The following MBD5 variants were observed in gnomAD, a reference collection of about 807,000 sequenced individuals.
MBD5 encodes the protein methyl-CpG binding domain protein 5, also known as methyl-CpG-binding domain protein 5.
MBD5 carries 13 observed loss-of-function variants against 117.3 expected under a neutral mutation model. The observed-to-expected ratio is 0.11, with a 90% confidence interval of 0.07 to 0.18. The LOEUF (loss-of-function observed/expected upper bound fraction) is 0.18. Ranked by LOEUF, MBD5 falls within the 10% of genes least tolerant of loss-of-function variation. The pLI, the probability that MBD5 is intolerant of heterozygous loss-of-function variation, is 1.00. For missense variants in MBD5, 1,879 were observed against 2,093.8 expected (o/e 0.90, Z 2.00); for synonymous variants, 727 against 766.4 (o/e 0.95, Z 0.85).
At position 148,463,726 on chromosome 2, in the gene MBD5, G is replaced by A; in HGVS notation, c.217-13G>A. The A allele has an allele frequency of 6.2e-7, 1 of 1,613,372 alleles. No individual in the cohort carries two copies. The highest frequency in any genetic ancestry group is 8.5e-7 in the Non-Finnish European group (1 of 1,179,458). Reference sequence around the variant, plus strand: ...TACAGACATATTCTAAACAAAGGCTGTGCTTTTTCCAGGTATTTAATTTTG... The same window carrying A: ...TACAGACATATTCTAAACAAAGGCTATGCTTTTTCCAGGTATTTAATTTTG... On this transcript the variant is annotated splice_polypyrimidine_tract_variant and intron_variant, in intron 6 of 13. Coordinates refer to ENST00000642680, the MANE Select transcript of MBD5 (RefSeq NM_001378120.1).
intron 3 of MBD5, among the ~76,000 whole-genome samples, chr2:148,328,151 T>C (rs558175714): frequency 6.2e-4 from 95 of 152,338 alleles, no homozygotes; most frequent in African/African-American, 2.1e-3. Context: ...GTTAGGCTGC[T>C]CGGGGGTCAG....
chr2:148,234,887 A>G (rs1444300513), intron 3 of MBD5, among the ~76,000 whole-genome samples: 3 of 152,286 alleles, frequency 2.0e-5, no homozygotes, highest in Non-Finnish European at 4.4e-5. Flanking sequence ...CCACTTAACT[A>G]TTTTTAAAAA....
rs1553463990 is a variant in MBD5, at chr2:148,021,481, TTGCTGCTGCTGCTGCTAC to T, written c.-1114_-1097del. The T allele has an allele frequency of 6.5e-5, 37 of 573,526 alleles. No individual in the cohort carries two copies. The highest frequency in any genetic ancestry group is 5.3e-4 in the African/African-American group (28 of 52,744). The allele number at this position is 573,526 out of a possible 1,614,324, so 35.5% of individuals were successfully genotyped here. A position where few individuals can be genotyped will look rare whatever the true frequency, so the allele number is the denominator to read the frequency against. ...GCTGCTGTTGCTGCTGCTGCTGCTG[TTGCTGCTGCTGCTGCTAC>T]TGCTGCTGCTGCTACTGCTGCTGCT... On this transcript the variant is annotated 5_prime_UTR_variant, in exon 1 of 14. Coordinates refer to ENST00000642680, the MANE Select transcript of MBD5 (RefSeq NM_001378120.1).
At chr2:148,045,999 T>A in intron 1 of MBD5, among the ~76,000 whole-genome samples, 1 of 143,968 alleles carries the variant, frequency 6.9e-6, no homozygotes, top group Non-Finnish European at 1.5e-5. Flanking sequence ...TTTTTTTTTT[T>A]TTTGAGACAG....
At chr2:148,294,385 C>T (rs530164976) in intron 3 of MBD5, among the ~76,000 whole-genome samples, 51 of 150,804 alleles carry the variant, frequency 3.4e-4, no homozygotes, top group East Asian at 5.8e-4. Flanking sequence ...CCACCACGCC[C>T]GGCTAATTTT....
intron 4 of MBD5, among the ~76,000 whole-genome samples, chr2:148,408,358 A>G (rs933031241): frequency 6.6e-6 from 1 of 152,114 alleles, no homozygotes; most frequent in Non-Finnish European, 1.5e-5. Context: ...CAGATTCCCA[A>G]GAGTTTCTGC....
intron 3 of MBD5, among the ~76,000 whole-genome samples, chr2:148,288,742 A>G (rs1040864905): frequency 1.3e-5 from 2 of 152,060 alleles, no homozygotes; most frequent in African/African-American, 4.8e-5. Context: ...TGAGTCTTGA[A>G]GTAGAAATAA....
intron 12 of MBD5, among the ~76,000 whole-genome samples, chr2:148,503,717 C>T (rs1012642182): frequency 1.3e-5 from 2 of 152,178 alleles, no homozygotes; most frequent in Non-Finnish European, 2.9e-5. Flanking sequence ...TCCCTCTAGA[C>T]CTGATAAGGA....
intron 1 of MBD5, among the ~76,000 whole-genome samples, chr2:148,170,913 T>G (rs1414740985): frequency 6.6e-6 from 1 of 152,182 alleles, no homozygotes; most frequent in Non-Finnish European, 1.5e-5. Context: ...CCTAGACATA[T>G]GCAGCCTATG....
intron 1 of MBD5, among the ~76,000 whole-genome samples, chr2:148,102,745 GA>G (rs1696261942): frequency 8.2e-6 from 1 of 121,514 alleles, no homozygotes; most frequent in Non-Finnish European, 1.8e-5. Context: ...GAGAGAGAGA[GA>G]GAGAGAGAGA....
At chr2:148,094,751 A>T (rs1049305748) in intron 1 of MBD5, among the ~76,000 whole-genome samples, 1 of 152,158 alleles carries the variant, frequency 6.6e-6, no homozygotes, top group Non-Finnish European at 1.5e-5. Flanking sequence ...AATTTTCTAA[A>T]AGCCTAATTA....
intron 4 of MBD5, among the ~76,000 whole-genome samples, chr2:148,386,416 G>A (rs1382526216): frequency 6.6e-6 from 1 of 152,136 alleles, no homozygotes; most frequent in African/African-American, 2.4e-5. Context: ...ACATTTAAAA[G>A]ATAAGAAGAT....
chr2:148,474,236 A>G (rs71413619), intron 8 of MBD5, among the ~76,000 whole-genome samples: 4,565 of 152,266 alleles, frequency 0.03, 113 homozygotes, highest in African/African-American at 0.053. Flanking sequence ...CAAAATGCCC[A>G]GGCCTCTTTA....
intron 4 of MBD5, among the ~76,000 whole-genome samples, chr2:148,422,793 A>G (rs905358380): frequency 2.8e-4 from 43 of 152,192 alleles, no homozygotes; most frequent in Non-Finnish European, 1.0e-4. Context: ...AGCATACACA[A>G]GTATCAATAG....
intron 1 of MBD5, among the ~76,000 whole-genome samples, chr2:148,153,070 G>A (rs562001143): frequency 6.6e-6 from 1 of 151,878 alleles, no homozygotes; most frequent in Non-Finnish European, 1.5e-5. Context: ...TTTTGCAGCG[G>A]CTGGTACCGA....
intron 12 of MBD5, among the ~76,000 whole-genome samples, chr2:148,507,653 A>T (rs1022429518): frequency 6.6e-6 from 1 of 150,460 alleles, no homozygotes; most frequent in Non-Finnish European, 1.5e-5. Flanking sequence ...CAGCTACTCG[A>T]GGGGGCTGAG....
chr2:148,266,298 T>C (rs962951048), intron 3 of MBD5, among the ~76,000 whole-genome samples: 1 of 152,102 alleles, frequency 6.6e-6, no homozygotes, highest in African/African-American at 2.4e-5. Flanking sequence ...AAAAACCATA[T>C]GGTCATCCCA....
intron 4 of MBD5, among the ~76,000 whole-genome samples, chr2:148,447,179 G>GAAAGAAAGA (rs1559075576): frequency 1.4e-3 from 1 of 712 alleles, no homozygotes; most frequent in African/African-American, 1.8e-3. Flanking sequence ...AAGGAAGAAG[G>GAAAGAAAGA]AAAGAAAGAA....
rs2105626382 is a variant in MBD5 at position 148,468,783 on chromosome 2, A to G, written c.840A>G (p.Leu280=). ...CTCTTTCTCCACCTTCAGTAATGCTACATGGTTCTCCTGTACAGTCATCCT... is the reference window on the plus strand; with the variant it reads ...CTCTTTCTCCACCTTCAGTAATGCTGCATGGTTCTCCTGTACAGTCATCCT... ...RTPLSPPSVM[L]HGSPVQSSCA... The change falls in exon 8 of 14, where the codon CTA becomes CTG. Residue 280 remains leucine (L), a synonymous_variant. Transcript: ENST00000642680. The G allele has an allele frequency of 1.2e-6, 2 of 1,613,898 alleles. No homozygotes were observed. Among genetic ancestry groups the G allele is most frequent in the Non-Finnish European group, 1.7e-6 (2 of 1,179,836 alleles).
Sources: allele counts gnomAD v4.1 joint callset (sites outside exome capture counted in the v4.1 genomes callset), GRCh38; gene constraint gnomAD v4.1.1; transcripts MANE v1.5; gene names NCBI Gene and HGNC (gene_info 2026-07-23, HGNC 2026-07-21).